The following SERINC1 variants were observed in gnomAD, a reference collection of about 807,000 sequenced individuals.
The protein encoded by SERINC1 is tumor differentially expressed protein 2.
In SERINC1, 38 loss-of-function variants were observed where a neutral mutation model predicts 52.9. That is an observed-to-expected ratio of 0.72 (90% confidence interval 0.55 to 0.94). The LOEUF is 0.94. Among genes scored for constraint, SERINC1 ranks in the 40% least tolerant of loss-of-function variants. The pLI, the probability that SERINC1 is intolerant of heterozygous loss-of-function variation, is 0.00. For synonymous variants in SERINC1, 198 were observed against 183.1 expected (o/e 1.08, Z -0.66); for missense variants, 471 against 533.9 (o/e 0.88, Z 1.16).
At position 122,458,644 on chromosome 6, in the gene SERINC1, C is replaced by T. The variant is rs770817621; in HGVS notation, c.77G>A (p.Cys26Tyr). 2.5e-6 allele frequency: 4 copies of T among 1,609,258 alleles called. No homozygotes were observed. The South Asian group carries it at 4.4e-5, about 18-fold the overall frequency. ...GTTGTTTCCACTAGGACAGCATCGG[C>T]ATAGCAAACACGGGGCACTTCCACA... is the stretch of plus-strand genomic sequence containing the variant. ...CLCGSAPCLL[C>Y]RCCPSGNNST... The change falls in exon 2 of 10, where the codon TGC (cysteine) becomes TAC (tyrosine). Residue 26 changes from cysteine to tyrosine, a missense_variant. Physicochemically the swap from Cys to Tyr is radical, Grantham distance 194. Transcript: ENST00000339697.
At chr6:122,451,791 A>ATATATT (rs756686277) in intron 6 of SERINC1, 37 bp from the exon 7 acceptor site, 54 of 479,022 alleles carry the variant, frequency 1.1e-4, no homozygotes, top group South Asian at 8.8e-5. Flanking sequence ...ATATATATAT[A>ATATATT]TATAGCAACA....
rs1774701230 is a variant in SERINC1, at chr6:122,443,418, C to T, written c.*1626G>A. 6.6e-6 allele frequency: 1 copy of T among 152,056 alleles called. No homozygotes were observed. The highest frequency in any genetic ancestry group is 2.4e-5 in the African/African-American group (1 of 41,326). 9.4% of individuals were successfully genotyped at this position (152,056 alleles called of 1,614,324 possible). A position where few individuals can be genotyped will look rare whatever the true frequency, so the allele number is the denominator to read the frequency against. On this transcript the variant is annotated 3_prime_UTR_variant, in exon 10 of 10. Transcript: ENST00000339697. ...AAAATTGTGGAATACAATGTCTACACACAGAATAAGGTTGGGGAATTAAGC... is the reference window on the plus strand; with the variant it reads ...AAAATTGTGGAATACAATGTCTACATACAGAATAAGGTTGGGGAATTAAGC...
chr6:122,466,959 A>C (rs1775201580), intron 1 of SERINC1, among the ~76,000 whole-genome samples: 1 of 152,210 alleles, frequency 6.6e-6, no homozygotes, highest in Non-Finnish European at 1.5e-5. Context: ...GCAAGACTAC[A>C]AGTCTACAAA....
intron 2 of SERINC1, among the ~76,000 whole-genome samples, chr6:122,457,968 C>T (rs1775030199): frequency 6.6e-6 from 1 of 152,028 alleles, no homozygotes; most frequent in Non-Finnish European, 1.5e-5. Flanking sequence ...TTTGTAGGAC[C>T]AGAACCTGGT....
At chr6:122,457,673 T>C (rs573709) in intron 2 of SERINC1, among the ~76,000 whole-genome samples, 106,579 of 151,748 alleles carry the variant, frequency 0.7, 37,547 homozygotes, top group South Asian at 0.78. Context: ...AAGATCCTCA[T>C]CAGAACTTGA....
chr6:122,466,470 G>A (rs961202547), intron 1 of SERINC1, among the ~76,000 whole-genome samples: 3 of 152,040 alleles, frequency 2.0e-5, no homozygotes, highest in African/African-American at 7.2e-5. Flanking sequence ...GATACGCTGG[G>A]TGTAGCTGGG....
Position 122,447,243 on chromosome 6 carries a change from T to A in SERINC1, c.873A>T (p.Leu291=), listed in dbSNP as rs747337472. 6.2e-7 allele frequency: 1 copy of A among 1,610,692 alleles called. No homozygotes were observed. The highest frequency in any genetic ancestry group is 8.5e-7 in the Non-Finnish European group (1 of 1,177,702). Residue 291 remains leucine (L), a synonymous_variant, in exon 8 of 10, where the codon CTA becomes CTT. Coordinates refer to ENST00000339697, the MANE Select transcript of SERINC1 (RefSeq NM_020755.4). ...TTGTATTGTAGCCAATTATGCTTAG[T>A]AGACTTGGGTTGCAATTTGTTTCTG... ...NEPETNCNPS[L]LSIIGYNTTS...
intron 7 of SERINC1, among the ~76,000 whole-genome samples, chr6:122,450,403 A>C (rs1274992654): frequency 6.6e-6 from 1 of 152,230 alleles, no homozygotes; most frequent in Non-Finnish European, 1.5e-5. Flanking sequence ...ATTACTACTC[A>C]ATGACGATGC....
intron 5 of SERINC1, among the ~76,000 whole-genome samples, chr6:122,452,578 C>T (rs571963423): frequency 6.6e-6 from 1 of 152,240 alleles, no homozygotes; most frequent in South Asian, 2.1e-4. Context: ...TCAACCTATG[C>T]TTTTTCTATG....
In SERINC1 at chr6:122,451,776, A is replaced by ATAT. The variant is rs1554211250; in HGVS notation, c.760-23_760-22insATA. ...ATTCCTACAAAAAAAAAAAAAAAAAAATATATATATATATATATAGCAACA... is the reference window on the plus strand; with the variant it reads ...ATTCCTACAAAAAAAAAAAAAAAAAATATATATATATATATATATATAGCAACA... On this transcript the variant is annotated intron_variant, in intron 6 of 9. Transcript: ENST00000339697. 1.1e-3 allele frequency: 128 copies of ATAT among 112,788 alleles called. 1 individual carries two copies. Among genetic ancestry groups the ATAT allele is most frequent in the East Asian group, 2.4e-3 (7 of 2,968 alleles). The allele number at this position is 112,788 out of a possible 1,614,324, so 7.0% of individuals were successfully genotyped here. A position where few individuals can be genotyped will look rare whatever the true frequency, so the allele number is the denominator to read the frequency against.
rs1451160556 is a variant in SERINC1 at position 122,447,215 on chromosome 6, T to C, written c.901A>G (p.Ser301Gly). 1 of 1,612,854 alleles carries C rather than the reference T, an allele frequency of 6.2e-7. No individual in the cohort carries two copies. Among genetic ancestry groups the C allele is most frequent in the Non-Finnish European group, 8.5e-7 (1 of 1,178,838 alleles). ...GACTGCCCTTCCTTTGGGACAGTGC[T>C]TGTTGTATTGTAGCCAATTATGCTT... ...LLSIIGYNTT[S>G]TVPKEGQSVQ... Residue 301 changes from serine (S) to glycine (G), a missense_variant, in exon 8 of 10, where the codon AGC (serine) becomes GGC (glycine). Transcript: ENST00000339697.
intron 2 of SERINC1, among the ~76,000 whole-genome samples, chr6:122,457,520 T>C (rs1232480938): frequency 6.6e-6 from 1 of 152,148 alleles, no homozygotes; most frequent in Non-Finnish European, 1.5e-5. Flanking sequence ...AATGGGAGGA[T>C]AGTGGGAGAT....
chr6:122,447,312 G>GT, intron 7 of SERINC1, 47 bp from the exon 8 acceptor site: 1 of 1,465,794 alleles, frequency 6.8e-7, no homozygotes, highest in Non-Finnish European at 9.5e-7. Context: ...TTAAAAAGAT[G>GT]TTTTTCAGAG....
At chr6:122,465,031 T>C (rs1775163804) in intron 1 of SERINC1, among the ~76,000 whole-genome samples, 2 of 152,152 alleles carry the variant, frequency 1.3e-5, no homozygotes, top group Non-Finnish European at 2.9e-5. Context: ...GTTTGGGGTT[T>C]TTTTTCTTTA....
In SERINC1 at chr6:122,451,951, G is replaced by C; in HGVS notation, c.696C>G (p.Phe232Leu). The C allele has an allele frequency of 2.5e-6, 4 of 1,599,890 alleles. No homozygotes were observed. The highest frequency in any genetic ancestry group is 3.4e-6 in the Non-Finnish European group (4 of 1,173,758). The change falls in exon 6 of 10, where the codon TTC (phenylalanine) becomes TTG (leucine). Residue 232 changes from phenylalanine (F) to leucine (L), a missense_variant. By Grantham distance (22) the Phe-to-Leu change is conservative (BLOSUM62 0). Coordinates refer to ENST00000339697, the MANE Select transcript of SERINC1 (RefSeq NM_020755.4). ...CGCAGAGGAGCATGTTGACACTGAT[G>C]AACGCCTTGTTTTCTGAACAACTGG... ...HPASCSENKA[F>L]ISVNMLLCVG...
At chr6:122,467,358 A>G (rs1483549637) in intron 1 of SERINC1, among the ~76,000 whole-genome samples, 1 of 152,196 alleles carries the variant, frequency 6.6e-6, no homozygotes, top group African/African-American at 2.4e-5. Flanking sequence ...TAATCCCAGC[A>G]CTTCGGGAGG....
intron 1 of SERINC1, among the ~76,000 whole-genome samples, chr6:122,469,545 GT>G (rs1002724954): frequency 6.7e-6 from 1 of 149,572 alleles, no homozygotes; most frequent in African/African-American, 2.5e-5. Flanking sequence ...GCTGATTTTT[GT>G]TTTTTTGTTT....
rs747819986 is a variant in SERINC1 at position 122,451,699 on chromosome 6, A to G, written c.815T>C (p.Met272Thr). ...GGTCATAGCTGACCATGTCAAATAC[A>G]TTGTGTAGACTGTAATTACTGAAGA... Reference protein sequence around the residue: ...LQSSVITVYTMYLTWSAMTNE... With the variant: ...LQSSVITVYTTYLTWSAMTNE... The change falls in exon 7 of 10, where the codon ATG becomes ACG. Residue 272 changes from methionine to threonine, a missense_variant. Coordinates refer to ENST00000339697, the MANE Select transcript of SERINC1 (RefSeq NM_020755.4). 4.8e-6 allele frequency: 6 copies of G among 1,255,994 alleles called. No individual in the cohort carries two copies. In the African/African-American group the frequency reaches 8.0e-5, roughly 17 times the overall value. The allele number at this position is 1,255,994 out of a possible 1,614,324, so 77.8% of individuals were successfully genotyped here. A position where few individuals can be genotyped will look rare whatever the true frequency, so the allele number is the denominator to read the frequency against.
intron 1 of SERINC1, 99 bp from the exon 2 acceptor site, chr6:122,458,780 GA>G (rs1459428096): frequency 2.3e-6 from 2 of 856,406 alleles, no homozygotes; most frequent in Non-Finnish European, 3.5e-6. Context: ...TGTTAAAAAA[GA>G]AAAAAGACTA....
Sources: gnomAD v4.1 joint callset for allele counts (sites outside exome capture counted in the v4.1 genomes callset) on GRCh38, gnomAD v4.1.1 for gene constraint, MANE v1.5 for transcripts, NCBI Gene and HGNC (gene_info 2026-07-23, HGNC 2026-07-21) for gene names.